Variants in RELN observed in about 807,000 individuals in gnomAD.
RELN encodes the protein reelin.
Under a neutral mutation model 427.6 loss-of-function variants are expected in RELN, and 108 were observed. That is an observed-to-expected ratio of 0.25 (90% confidence interval 0.22 to 0.30). RELN has a LOEUF of 0.30. Among genes scored for constraint, RELN ranks in the 10% least tolerant of loss-of-function variants. The pLI is 1.00. For synonymous variants in RELN, 1,524 were observed against 1,513.4 expected (o/e 1.01, Z -0.16); for missense variants, 3,715 against 4,302.8 (o/e 0.86, Z 3.82).
chr7:103,687,034 T>C (rs969021487), intron 10 of RELN, among the ~76,000 whole-genome samples: 1 of 152,150 alleles, frequency 6.6e-6, no homozygotes, highest in Non-Finnish European at 1.5e-5. Flanking sequence ...TAAGGAGTGT[T>C]TTTTTTCTCA....
At chr7:103,674,262 T>C (rs2115644543) in intron 11 of RELN, among the ~76,000 whole-genome samples, 1 of 152,336 alleles carries the variant, frequency 6.6e-6, no homozygotes, top group South Asian at 2.1e-4. Flanking sequence ...ATAAAATTTG[T>C]TCTAATTTCA....
intron 2 of RELN, among the ~76,000 whole-genome samples, chr7:103,840,920 G>A (rs957550063): frequency 1.7e-4 from 26 of 152,166 alleles, no homozygotes; most frequent in Non-Finnish European, 2.9e-4. Context: ...TTTTCTCAAA[G>A]AGATATGTAC....
intron 10 of RELN, among the ~76,000 whole-genome samples, chr7:103,694,200 A>G (rs1833930650): frequency 6.6e-6 from 1 of 152,134 alleles, no homozygotes. Context: ...GAGAAAACAC[A>G]CAGATAATTT....
chr7:103,741,933 C>T lies in RELN; in HGVS notation c.656+7493G>A, dbSNP rs148385194. On this transcript the variant is annotated intron_variant, in intron 6 of 64. Transcript: ENST00000428762. ...GAAGAGAGTAGTGGTTCTCCCCGCA[C>T]GCAGCTTGAGATCTGAGAACGGGCA... Among the ~76,000 whole-genome samples the T allele has an allele frequency of 5.3e-3, 806 of 152,246 alleles. 8 individuals are homozygous for T. Among genetic ancestry groups the T allele is most frequent in the African/African-American group, 0.018 (764 of 41,542 alleles).
At chr7:103,650,190 T>C in intron 16 of RELN, 84 bp downstream of exon 16, 1 of 850,904 alleles carries the variant, frequency 1.2e-6, no homozygotes, top group Non-Finnish European at 2.1e-6. Context: ...GACTTAGAAA[T>C]GTGATTAAGT....
At chr7:103,918,099 T>C (rs1000060100) in intron 1 of RELN, among the ~76,000 whole-genome samples, 6 of 152,088 alleles carry the variant, frequency 3.9e-5, no homozygotes, top group African/African-American at 1.4e-4. Context: ...TGAGAATGTT[T>C]AAATTAAACT....
At chr7:103,577,604 G>A (rs550658783) in intron 28 of RELN, among the ~76,000 whole-genome samples, 5 of 150,534 alleles carry the variant, frequency 3.3e-5, no homozygotes, top group Non-Finnish European at 7.4e-5. Flanking sequence ...CACGGACCTT[G>A]GGAAAATTCC....
At chr7:103,692,222 C>T (rs1281556869) in intron 10 of RELN, among the ~76,000 whole-genome samples, 1 of 152,086 alleles carries the variant, frequency 6.6e-6, no homozygotes, top group African/African-American at 2.4e-5. Context: ...GCCCTCAGCA[C>T]AAAAATGTTG....
At chr7:103,760,303 T>C (rs1246630924) in intron 4 of RELN, among the ~76,000 whole-genome samples, 1 of 152,052 alleles carries the variant, frequency 6.6e-6, no homozygotes, top group Admixed American at 6.6e-5. Flanking sequence ...ATATGCTCTT[T>C]CAAAAGTTGA....
chr7:103,786,453 T>C (rs368118182), intron 3 of RELN, among the ~76,000 whole-genome samples: 1 of 146,856 alleles, frequency 6.8e-6, no homozygotes, highest in Non-Finnish European at 1.5e-5. Context: ...ACCCATCTCA[T>C]GTGCAAAGAC....
intron 8 of RELN, among the ~76,000 whole-genome samples, chr7:103,706,839 T>C (rs958104847): frequency 6.6e-6 from 1 of 152,146 alleles, no homozygotes; most frequent in Non-Finnish European, 1.5e-5. Flanking sequence ...GGTTTTACTA[T>C]GGGAGAAGAT....
intron 46 of RELN, 147 bp from the exon 47 acceptor site, chr7:103,523,678 T>C (rs1483406591): frequency 3.7e-6 from 3 of 821,206 alleles, no homozygotes; most frequent in Admixed American, 2.5e-5. Flanking sequence ...TATTACAATA[T>C]TCTTCTTTTC....
At chr7:103,826,632 A>G (rs570078040) in intron 3 of RELN, among the ~76,000 whole-genome samples, 2 of 152,170 alleles carry the variant, frequency 1.3e-5, no homozygotes, top group East Asian at 3.9e-4. Flanking sequence ...CTGTGTAGGC[A>G]GTTTGGAAAA....
At chr7:103,863,214 A>T (rs973312099) in intron 2 of RELN, among the ~76,000 whole-genome samples, 1 of 152,198 alleles carries the variant, frequency 6.6e-6, no homozygotes, top group African/African-American at 2.4e-5. Context: ...TTATGAATCT[A>T]AAAGAGACAT....
chr7:103,577,720 A>G (rs1000072283), intron 28 of RELN, among the ~76,000 whole-genome samples: 2 of 152,186 alleles, frequency 1.3e-5, no homozygotes, highest in Non-Finnish European at 2.9e-5. Flanking sequence ...TCTTAAGGAA[A>G]ATGTTAAGGC....
intron 49 of RELN, 145 bp downstream of exon 49, chr7:103,519,178 G>T: frequency 1.5e-6 from 1 of 672,900 alleles, no homozygotes. Flanking sequence ...TATTTATCCA[G>T]CTCAGAAACC....
intron 2 of RELN, among the ~76,000 whole-genome samples, chr7:103,894,906 CT>C (rs1298243250): frequency 6.6e-6 from 1 of 152,154 alleles, no homozygotes; most frequent in Middle Eastern, 3.2e-3. Flanking sequence ...CCTAAGCACT[CT>C]AATGCAGAGC....
chr7:103,556,848 G>T, intron 38 of RELN, 129 bp downstream of exon 38: 1 of 807,492 alleles, frequency 1.2e-6, no homozygotes, highest in Non-Finnish European at 2.2e-6. Context: ...CAAAAGTGAA[G>T]CATGTAAAAT....
At chr7:103,511,082 CAT>C (rs987229072) in intron 50 of RELN, 77 bp from the exon 51 acceptor site, 9 of 1,022,698 alleles carry the variant, frequency 8.8e-6, no homozygotes, top group South Asian at 1.3e-5. Flanking sequence ...TTAAGCAAGA[CAT>C]AGAATTATTT....
Sources: gnomAD v4.1 joint callset for allele counts (sites outside exome capture counted in the v4.1 genomes callset) on GRCh38, gnomAD v4.1.1 for gene constraint, MANE v1.5 for transcripts, NCBI Gene and HGNC (gene_info 2026-07-23, HGNC 2026-07-21) for gene names.